KAZN: variants seen among roughly 807,000 people sequenced by gnomAD.
KAZN encodes the protein kazrin, periplakin interacting protein.
Under a neutral mutation model 87.4 loss-of-function variants are expected in KAZN, and 40 were observed. That is an observed-to-expected ratio of 0.46 (90% CI 0.36 to 0.60). The LOEUF (loss-of-function observed/expected upper bound fraction) is 0.60. KAZN is among the 20% of genes least tolerant of loss of function. The pLI is 0.00. For missense variants in KAZN, 898 were observed against 1,073.9 expected (o/e 0.84, Z 2.29); for synonymous variants, 466 against 458.3 (o/e 1.02, Z -0.22).
intron 1 of KAZN, among the ~76,000 whole-genome samples, chr1:14,023,115 G>T (rs978256865): frequency 6.6e-6 from 1 of 151,954 alleles, no homozygotes; most frequent in Non-Finnish European, 1.5e-5. Context: ...AGGAGTTGGA[G>T]ACCAGTCTTG....
chr1:14,810,079 T>C (rs112023666), intron 1 of KAZN, among the ~76,000 whole-genome samples: 14 of 152,098 alleles, frequency 9.2e-5, no homozygotes, highest in African/African-American at 2.7e-4. Flanking sequence ...AGCCACCACT[T>C]CCTTACCCAG....
chr1:14,394,225 T>C (rs1240219719), intron 2 of KAZN, among the ~76,000 whole-genome samples: 1 of 152,274 alleles, frequency 6.6e-6, no homozygotes, highest in Non-Finnish European at 1.5e-5. Context: ...CAAAAGCTCC[T>C]AGGGCCATTA....
At chr1:14,833,412 T>C (rs144611256) in intron 1 of KAZN, among the ~76,000 whole-genome samples, 2 of 151,464 alleles carry the variant, frequency 1.3e-5, no homozygotes, top group African/African-American at 4.9e-5. Flanking sequence ...AGAATGGGAG[T>C]GAGACAGGGA....
intron 1 of KAZN, among the ~76,000 whole-genome samples, chr1:14,921,333 G>C (rs1167178543): frequency 6.6e-6 from 1 of 152,154 alleles, no homozygotes; most frequent in Non-Finnish European, 1.5e-5. Context: ...GACCAGTGAC[G>C]GTAGCGGTGA....
At chr1:14,411,707 C>T in intron 2 of KAZN, among the ~76,000 whole-genome samples, 1 of 152,098 alleles carries the variant, frequency 6.6e-6, no homozygotes, top group South Asian at 2.1e-4. Flanking sequence ...CAGTGAGGTA[C>T]AGGAAGAAAT....
chr1:15,101,425 G>T, intron 10 of KAZN, 118 bp from the exon 11 acceptor site: 4 of 684,502 alleles, frequency 5.8e-6, no homozygotes, highest in Non-Finnish European at 7.7e-6. Context: ...TGGCTCTCTT[G>T]GTCCTCCCCC....
chr1:14,044,469 A>C (rs969221260), intron 1 of KAZN, among the ~76,000 whole-genome samples: 1 of 152,160 alleles, frequency 6.6e-6, no homozygotes, highest in East Asian at 1.9e-4. Context: ...AAATGGAAAT[A>C]TTTCCAATAA....
chr1:15,020,769 C>G (rs1490463796), intron 2 of KAZN, among the ~76,000 whole-genome samples: 1 of 152,200 alleles, frequency 6.6e-6, no homozygotes, highest in East Asian at 1.9e-4. Context: ...GCAGGCCTTT[C>G]AGACATATAC....
At chr1:15,020,660 C>T (rs555348943) in intron 2 of KAZN, among the ~76,000 whole-genome samples, 11 of 152,282 alleles carry the variant, frequency 7.2e-5, no homozygotes, top group African/African-American at 9.6e-5. Flanking sequence ...ACAGTGGCTG[C>T]GGCCATTCTC....
rs1038246365 is a variant in KAZN, at chr1:15,060,091, G to T, written c.917-81G>T. The T allele has an allele frequency of 4.5e-6, 7 of 1,565,628 alleles. No homozygotes were observed. In the African/African-American group the frequency reaches 8.1e-5, roughly 18 times the overall value. On this transcript the variant is annotated intron_variant, in intron 5 of 14. Coordinates refer to ENST00000376030, the MANE Select transcript of KAZN (RefSeq NM_201628.3). ...GTGTTCCCATCTGTAGAACGGGGGT[G>T]TTGGGTGGAATAACCGCCAAGGCAG...
chr1:13,939,905 G>A (rs12033179), intron 1 of KAZN, among the ~76,000 whole-genome samples: 2,489 of 152,078 alleles, frequency 0.016, 64 homozygotes, highest in African/African-American at 0.055. Context: ...AAACAACCAG[G>A]TATCATGAGA....
In KAZN at chr1:14,013,798, G is replaced by A. The variant is rs149280154; in HGVS notation, c.91+120042G>A. On this transcript the variant is annotated intron_variant, in intron 1 of 16. Coordinates refer to the KAZN transcript ENST00000636203. ...CTGCTAGATGTGGGTTTCTCATTCT[G>A]TATAGAGTCCTCTCTAGAGAGACAA... Among the ~76,000 whole-genome samples, 1,243 of 152,252 alleles carry A rather than the reference G, an allele frequency of 8.2e-3. 23 individuals carry two copies. Among genetic ancestry groups the A allele is most frequent in the African/African-American group, 0.029 (1,199 of 41,546 alleles).
chr1:14,564,901 TTTG>T (rs1396337886), intron 2 of KAZN, among the ~76,000 whole-genome samples: 5 of 152,228 alleles, frequency 3.3e-5, no homozygotes, highest in Non-Finnish European at 5.9e-5. Context: ...AGTGATTATT[TTTG>T]TTGTTGTTAC....
At chr1:15,042,066 G>A (rs1334710408) in intron 3 of KAZN, among the ~76,000 whole-genome samples, 1 of 152,220 alleles carries the variant, frequency 6.6e-6, no homozygotes, top group Non-Finnish European at 1.5e-5. Context: ...GAAGGTGGGA[G>A]TCCAAAACTT....
At position 15,114,839 on chromosome 1, in the gene KAZN, C is replaced by A; in HGVS notation, c.*204C>A. On this transcript the variant is annotated 3_prime_UTR_variant, in exon 15 of 15. Coordinates refer to ENST00000376030, the MANE Select transcript of KAZN (RefSeq NM_201628.3). ...CACCAGCCCACCTGTCTTGGGTGGGCCATGGACTTTCCTGTTCAGCTGGAG... is the reference window on the plus strand; with the variant it reads ...CACCAGCCCACCTGTCTTGGGTGGGACATGGACTTTCCTGTTCAGCTGGAG... 1.9e-6 allele frequency: 1 copy of A among 515,132 alleles called. No homozygotes were observed. Among genetic ancestry groups the A allele is most frequent in the South Asian group, 3.0e-5 (1 of 33,424 alleles). The allele number at this position is 515,132 out of a possible 1,614,324, so 31.9% of individuals were successfully genotyped here.
Position 14,073,368 on chromosome 1 carries a change from T to C in KAZN, c.92-107067T>C, listed in dbSNP as rs576672060. Among the ~76,000 whole-genome samples, 9 of 152,296 alleles carry C rather than the reference T, an allele frequency of 5.9e-5. No individual in the cohort carries two copies. In the South Asian group the frequency reaches 1.5e-3, roughly 25 times the overall value. ...AGAAGATGTTCAGATTCTTTTCTATTTTATTTCATTTTATTATTTTACCTA... is the reference window on the plus strand; with the variant it reads ...AGAAGATGTTCAGATTCTTTTCTATCTTATTTCATTTTATTATTTTACCTA... On this transcript the variant is annotated intron_variant, in intron 1 of 16. Transcript: ENST00000636203.
At chr1:14,583,040 G>A (rs1348792550) in intron 2 of KAZN, among the ~76,000 whole-genome samples, 1 of 152,190 alleles carries the variant, frequency 6.6e-6, no homozygotes, top group Non-Finnish European at 1.5e-5. Flanking sequence ...CATGCCTGGT[G>A]AGCTTGTCAA....
intron 2 of KAZN, among the ~76,000 whole-genome samples, chr1:14,393,840 C>A (rs551435038): frequency 1.0e-4 from 9 of 90,144 alleles, no homozygotes; most frequent in African/African-American, 1.4e-4. Context: ...CAGACCCAAT[C>A]TCAAAAAAAA....
intron 2 of KAZN, among the ~76,000 whole-genome samples, chr1:14,588,176 A>C (rs527507721): frequency 6.6e-6 from 1 of 152,328 alleles, no homozygotes; most frequent in South Asian, 2.1e-4. Flanking sequence ...GGTGTGGTGT[A>C]AGAATCATTG....
Sources: allele counts gnomAD v4.1 joint callset (sites outside exome capture counted in the v4.1 genomes callset), GRCh38; gene constraint gnomAD v4.1.1; transcripts MANE v1.5; gene names NCBI Gene and HGNC (gene_info 2026-07-23, HGNC 2026-07-21).